Variants in BST1 observed in about 807,000 individuals in gnomAD.
BST1 encodes bone marrow stromal cell antigen 1.
In BST1, 49 loss-of-function variants were observed where a neutral mutation model predicts 40.6. The ratio of observed to expected loss-of-function variants is 1.21; its 90% CI spans 0.96 to 1.53. The LOEUF is 1.53. Among genes scored for constraint, BST1 ranks in the 40% most tolerant of loss-of-function variants. BST1 has a pLI of 0.00. For synonymous variants in BST1, 157 were observed against 159.3 expected, an observed-to-expected ratio of 0.99 and a Z score of 0.11; for missense variants, 423 against 395.9, an observed-to-expected ratio of 1.07 and a Z score of -0.58.
intron 3 of BST1, 118 bp from the exon 4 acceptor site, chr4:15,711,689 C>A: frequency 1.2e-6 from 1 of 805,450 alleles, no homozygotes; most frequent in South Asian, 1.6e-5. Context: ...TAAACTTGTA[C>A]ACATTGTACA....
At chr4:15,765,436 T>G in the BST1 span, among the ~76,000 whole-genome samples, 5 of 152,116 alleles carry the variant, frequency 3.3e-5, 1 homozygote, top group South Asian at 8.3e-4. Context: ...TCGTTGCTTC[T>G]GTCCCTGCCC....
At chr4:15,757,156 C>G in the BST1 span, among the ~76,000 whole-genome samples, 2 of 152,146 alleles carry the variant, frequency 1.3e-5, no homozygotes, top group African/African-American at 4.8e-5. Flanking sequence ...CTCTACCACC[C>G]TCAGAAGCCC....
At chr4:15,743,114 T>C (rs1397572242), downstream of BST1, 2 of 157,016 alleles carry the variant, frequency 1.3e-5, no homozygotes, top group Non-Finnish European at 2.8e-5. Flanking sequence ...TGAACCCACT[T>C]TCAGTTTGTT....
the BST1 span, among the ~76,000 whole-genome samples, chr4:15,772,156 C>T: frequency 6.6e-6 from 1 of 152,204 alleles, no homozygotes; most frequent in African/African-American, 2.4e-5. Context: ...TATTTATTGT[C>T]AGAAACAAAT....
intron 8 of BST1, 44 bp from the exon 9 acceptor site, chr4:15,731,696 T>C (rs761057047): frequency 3.2e-6 from 5 of 1,576,992 alleles, no homozygotes; most frequent in Non-Finnish European, 4.3e-6. Flanking sequence ...GTAGATTCCA[T>C]ACACCAATAC....
chr4:15,717,082 T>C (rs1338999421), intron 6 of BST1, among the ~76,000 whole-genome samples: 1 of 152,112 alleles, frequency 6.6e-6, no homozygotes, highest in Non-Finnish European at 1.5e-5. Flanking sequence ...GCCCGTCCTT[T>C]ATAGTTATTT....
intron 6 of BST1, 91 bp from the exon 7 acceptor site, chr4:15,718,816 A>G (rs1720650317): frequency 9.3e-7 from 1 of 1,080,894 alleles, no homozygotes; most frequent in African/African-American, 1.6e-5. Context: ...CCAGGAGCAC[A>G]TGGTCAAAAG....
chr4:15,739,792 C>A (rs1358501755), downstream of BST1, among the ~76,000 whole-genome samples: 1 of 151,500 alleles, frequency 6.6e-6, no homozygotes, highest in Non-Finnish European at 1.5e-5. Flanking sequence ...AAGATGTGTA[C>A]AGAAATATAA....
At chr4:15,726,700 A>G (rs1177329396) in intron 8 of BST1, among the ~76,000 whole-genome samples, 6 of 152,148 alleles carry the variant, frequency 3.9e-5, no homozygotes, top group African/African-American at 7.2e-5. Flanking sequence ...CTGTCAACCT[A>G]TACAGAAACA....
chr4:15,757,822 A>T, the BST1 span, among the ~76,000 whole-genome samples: 49 of 152,026 alleles, frequency 3.2e-4, no homozygotes, highest in African/African-American at 1.1e-3. Context: ...TTGTATTTTT[A>T]GTAGAGACAG....
chr4:15,734,397 G>A (rs1348851646), downstream of BST1, among the ~76,000 whole-genome samples: 4 of 152,128 alleles, frequency 2.6e-5, no homozygotes, highest in African/African-American at 7.2e-5. Context: ...ATAGGAAAAT[G>A]TGTAAGAGAT....
chr4:15,728,775 A>G (rs4389574), intron 8 of BST1, among the ~76,000 whole-genome samples: 66,658 of 151,470 alleles, frequency 0.44, 16,832 homozygotes, highest in Middle Eastern at 0.59. Flanking sequence ...CCTGCCAAGT[A>G]GCTGGGCCCA....
chr4:15,735,945 C>A, downstream of BST1: 1 of 534,234 alleles, frequency 1.9e-6, no homozygotes, highest in South Asian at 2.1e-5. Context: ...TGAAAAAAAT[C>A]TACACAATAC....
At position 15,718,949 on chromosome 4, in the gene BST1, G is replaced by A. The variant is rs200411213; in HGVS notation, c.747G>A (p.Arg249=). Residue 249 remains arginine (R), a synonymous_variant, in exon 7 of 9, where the codon AGG becomes AGA. Transcript: ENST00000265016. The stretch of plus-strand genomic sequence containing the variant: ...GCAGCATGAAAGTCCTGGAAAAGAG[G>A]CTGAAGGACATGGGGTTCCAGTACA... ...GEGSMKVLEK[R]LKDMGFQYSC... 2 of 1,614,084 alleles carry A rather than the reference G, an allele frequency of 1.2e-6. No individual in the cohort carries two copies. Among genetic ancestry groups the A allele is most frequent in the East Asian group, 4.5e-5 (2 of 44,884 alleles).
downstream of BST1, chr4:15,735,938 A>T (rs1041155506): frequency 2.1e-6 from 1 of 481,884 alleles, no homozygotes; most frequent in African/African-American, 2.7e-5. Flanking sequence ...CTTTACTTGA[A>T]AAAAATCTAC....
intron 3 of BST1, among the ~76,000 whole-genome samples, chr4:15,710,565 A>G (rs1477989052): frequency 1.3e-5 from 2 of 151,754 alleles, no homozygotes; most frequent in African/African-American, 4.8e-5. Context: ...TTGTTGACCA[A>G]CCTCTTCCCA....
intron 6 of BST1, among the ~76,000 whole-genome samples, chr4:15,716,890 C>T (rs1250247746): frequency 6.6e-6 from 1 of 152,142 alleles, no homozygotes; most frequent in Non-Finnish European, 1.5e-5. Context: ...ATTCTCTTGA[C>T]TCAACCTCCC....
chr4:15,706,181 A>G (rs1719874247), intron 2 of BST1, among the ~76,000 whole-genome samples: 1 of 152,200 alleles, frequency 6.6e-6, no homozygotes. Flanking sequence ...AATCCAAATC[A>G]TATCAGTTTC....
At chr4:15,745,978 A>G in the BST1 span, among the ~76,000 whole-genome samples, 1 of 152,234 alleles carries the variant, frequency 6.6e-6, no homozygotes, top group Non-Finnish European at 1.5e-5. Context: ...TAGACTACAT[A>G]GGGATAGAGG....
Sources: gnomAD v4.1 joint callset for allele counts (sites outside exome capture counted in the v4.1 genomes callset) on GRCh38, gnomAD v4.1.1 for gene constraint, MANE v1.5 for transcripts, NCBI Gene and HGNC (gene_info 2026-07-23, HGNC 2026-07-21) for gene names.